GBF1: variants seen among roughly 807,000 people sequenced by gnomAD.
The protein encoded by GBF1 is golgi brefeldin A resistant guanine nucleotide exchange factor 1, also known as Golgi-specific brefeldin A-resistance guanine nucleotide exchange factor 1.
A neutral mutation model predicts 210.5 loss-of-function variants in GBF1; 114 were observed. That is an observed-to-expected ratio of 0.54 (90% CI 0.47 to 0.63). The LOEUF is 0.63. Among genes scored for constraint, GBF1 ranks in the 30% least tolerant of loss-of-function variants. The pLI is 0.00. For missense variants in GBF1, 1,851 were observed against 2,357.7 expected, an observed-to-expected ratio of 0.79 and a Z score of 4.45; for synonymous variants, 850 against 889.2, an observed-to-expected ratio of 0.96 and a Z score of 0.78.
At chr10:102,242,583 A>G (rs2070564819), upstream of GBF1, among the ~76,000 whole-genome samples, 1 of 152,160 alleles carries the variant, frequency 6.6e-6, no homozygotes. Flanking sequence ...TTTCCAGGAA[A>G]CAGGCTCCTT....
chr10:102,371,452 T>C (rs2060200469), intron 29 of GBF1, among the ~76,000 whole-genome samples: 1 of 152,238 alleles, frequency 6.6e-6, no homozygotes. Flanking sequence ...AGGCATACTA[T>C]GTTCATGGAT....
At chr10:102,266,178 G>A (rs1219602763) in intron 3 of GBF1, among the ~76,000 whole-genome samples, 1 of 152,044 alleles carries the variant, frequency 6.6e-6, no homozygotes, top group Non-Finnish European at 1.5e-5. Context: ...GGCGCAGCTT[G>A]CAGTGAGCCG....
At chr10:102,351,093 A>T (rs2058940466) in intron 4 of GBF1, among the ~76,000 whole-genome samples, 163 bp from the exon 5 acceptor site, 1 of 152,052 alleles carries the variant, frequency 6.6e-6, no homozygotes, top group Non-Finnish European at 1.5e-5. Context: ...TCTCAAAAAA[A>T]AAAAAAAAAA....
intron 4 of GBF1, among the ~76,000 whole-genome samples, chr10:102,348,560 C>T (rs1024681713): frequency 2.6e-5 from 4 of 152,210 alleles, no homozygotes; most frequent in Non-Finnish European, 5.9e-5. Flanking sequence ...TGGGTAGGGA[C>T]TGTCAGGCAG....
intron 3 of GBF1, among the ~76,000 whole-genome samples, chr10:102,293,762 A>ATTTTTTTT (rs1565071251): frequency 1.6e-4 from 7 of 44,572 alleles, no homozygotes; most frequent in Admixed American, 3.1e-4. Flanking sequence ...CAGCTGTAGT[A>ATTTTTTTT]TGTTTTGTGT....
At chr10:102,273,622 A>G (rs1460051966) in intron 3 of GBF1, among the ~76,000 whole-genome samples, 2 of 151,976 alleles carry the variant, frequency 1.3e-5, no homozygotes, top group Non-Finnish European at 2.9e-5. Flanking sequence ...CCTTCTCACC[A>G]TTTTCTTGAC....
At chr10:102,362,429 A>T (rs757709660) in intron 14 of GBF1, 46 bp from the exon 15 acceptor site, 14 of 1,322,872 alleles carry the variant, frequency 1.1e-5, no homozygotes, top group Non-Finnish European at 1.4e-5. Context: ...TCAAAGTGTA[A>T]AGTGTTCTCC....
At chr10:102,236,561 T>C in the GBF1 span, among the ~76,000 whole-genome samples, 6 of 152,304 alleles carry the variant, frequency 3.9e-5, no homozygotes, top group East Asian at 3.9e-4. Context: ...AGCCTGGTCA[T>C]GGACTGCAGC....
chr10:102,302,251 TGTGGAAAGGGAG>T (rs61717911), intron 3 of GBF1, among the ~76,000 whole-genome samples: 49,606 of 151,844 alleles, frequency 0.33, 8,751 homozygotes, highest in South Asian at 0.48. Context: ...AGAGGGAGAC[TGTGGAAAGGGAG>T]AGGGAAAGGG....
chr10:102,363,226 G>A lies in GBF1; in HGVS notation c.1877-30G>A. 1 of 1,593,572 alleles carries A rather than the reference G, an allele frequency of 6.3e-7. No homozygotes were observed. The highest frequency in any genetic ancestry group is 8.5e-7 in the Non-Finnish European group (1 of 1,169,924). On this transcript the variant is annotated intron_variant, in intron 15 of 39. Coordinates refer to ENST00000369983, the MANE Select transcript of GBF1 (RefSeq NM_001377137.1). This position sits in a 1 kb window ranked among gnomAD's most constrained non-coding sequence, Gnocchi z 4.2. ...CTCTGCTTGGCTTCATACCCTATAA[G>A]TCTTCACGTATCTTCTTCTCTCTTA... is the stretch of plus-strand genomic sequence containing the variant.
chr10:102,279,574 A>G (rs2075300412), intron 3 of GBF1, among the ~76,000 whole-genome samples: 2 of 152,136 alleles, frequency 1.3e-5, no homozygotes, highest in East Asian at 1.9e-4. Flanking sequence ...ACGTTTTCCT[A>G]TTCTCCTTTT....
Position 102,351,995 on chromosome 10 carries a change from T to C in GBF1, c.523+44T>C, listed in dbSNP as rs770898704. 8 of 1,030,108 alleles carry C rather than the reference T, an allele frequency of 7.8e-6. No homozygotes were observed. In the Admixed American group the frequency reaches 1.0e-4, roughly 13 times the overall value. 63.8% of individuals were successfully genotyped at this position (1,030,108 alleles called of 1,614,324 possible). A position where few individuals can be genotyped will look rare whatever the true frequency, so the allele number is the denominator to read the frequency against. Reference sequence around the variant, plus strand: ...GCCCCTTCACCATTCCTGGGGCCAGTGTCTGAGTATGAATACAGGAGGCTG... The same window carrying C: ...GCCCCTTCACCATTCCTGGGGCCAGCGTCTGAGTATGAATACAGGAGGCTG... On this transcript the variant is annotated intron_variant, in intron 6 of 39. Coordinates refer to ENST00000369983, the MANE Select transcript of GBF1 (RefSeq NM_001377137.1).
rs927143221 is a variant in GBF1 at position 102,255,977 on chromosome 10, G to A, written c.-10-2952G>A. On this transcript the variant is annotated intron_variant, in intron 1 of 39. Transcript: ENST00000369983. ...TATTATTATTTTAAGACAGAGTCTCGCTCTGTTGCCCAGGCTTGAGTGCAG... is the reference window on the plus strand; with the variant it reads ...TATTATTATTTTAAGACAGAGTCTCACTCTGTTGCCCAGGCTTGAGTGCAG... 1.2e-4 allele frequency among the ~76,000 whole-genome samples: 19 copies of A among 152,276 alleles called. No homozygotes were observed. The East Asian group carries it at 3.1e-3, about 25-fold the overall frequency.
the GBF1 span, among the ~76,000 whole-genome samples, chr10:102,237,134 G>C: frequency 1.8e-4 from 28 of 152,164 alleles, no homozygotes; most frequent in African/African-American, 6.8e-4. Flanking sequence ...CCCAAGAACA[G>C]TAAGGCAGAG....
intron 3 of GBF1, among the ~76,000 whole-genome samples, chr10:102,270,977 C>T (rs1214762848): frequency 6.6e-6 from 1 of 152,138 alleles, no homozygotes; most frequent in African/African-American, 2.4e-5. Context: ...TCCTGAGTAG[C>T]TGGGACTACA....
At chr10:102,329,153 G>A (rs1225128820) in intron 3 of GBF1, among the ~76,000 whole-genome samples, 1 of 152,116 alleles carries the variant, frequency 6.6e-6, no homozygotes, top group Non-Finnish European at 1.5e-5. Context: ...ATTTCCTCTA[G>A]AAAGAAGAGA....
intron 20 of GBF1, 30 bp downstream of exon 20, chr10:102,367,240 A>C (rs1231313087): frequency 6.2e-7 from 1 of 1,610,872 alleles, no homozygotes; most frequent in East Asian, 2.2e-5. Flanking sequence ...AAGGCAAAGA[A>C]GACCCAGCAC....
chr10:102,355,980 G>T (rs767639528), intron 8 of GBF1, among the ~76,000 whole-genome samples: 1 of 152,184 alleles, frequency 6.6e-6, no homozygotes, highest in Non-Finnish European at 1.5e-5. Flanking sequence ...CGGTCAGTAC[G>T]CCTGAAGCTC....
intron 3 of GBF1, among the ~76,000 whole-genome samples, chr10:102,330,627 A>G (rs1292091927): frequency 5.9e-5 from 9 of 152,106 alleles, no homozygotes; most frequent in African/African-American, 2.2e-4. Context: ...TGGAGGTTGC[A>G]GTGAGCTGAA....
Sources: gnomAD v4.1 joint callset for allele counts (sites outside exome capture counted in the v4.1 genomes callset) on GRCh38, gnomAD v4.1.1 for gene constraint, Gnocchi (gnomAD v3.1) non-coding constraint, MANE v1.5 for transcripts, NCBI Gene and HGNC (gene_info 2026-07-23, HGNC 2026-07-21) for gene names.